Variants in CRYBG3 observed in about 807,000 individuals in gnomAD.
The protein encoded by CRYBG3 is crystallin beta-gamma domain containing 3, also known as very large A-kinase anchor protein.
CRYBG3 carries 127 observed loss-of-function variants against 244.2 expected under a neutral mutation model. The ratio of observed to expected loss-of-function variants is 0.52; its 90% CI spans 0.45 to 0.60. The LOEUF is 0.60. Ranked by LOEUF, CRYBG3 falls within the 20% of genes least tolerant of loss-of-function variation. The probability of loss-of-function intolerance (pLI) is 0.00; values close to 1 mark genes in which losing one functional copy is unlikely to be tolerated. For missense variants in CRYBG3, 3,325 were observed against 3,442.5 expected (o/e 0.97, Z 0.85); for synonymous variants, 1,132 against 1,195.8 (o/e 0.95, Z 1.10).
At chr3:97,860,862 G>A (rs545888537) in intron 2 of CRYBG3, among the ~76,000 whole-genome samples, 11 of 150,876 alleles carry the variant, frequency 7.3e-5, no homozygotes, top group East Asian at 2.0e-4. Flanking sequence ...TTTTTCCTGC[G>A]CACATCGTAT....
At chr3:97,932,856 C>T (rs2040113806) in intron 17 of CRYBG3, among the ~76,000 whole-genome samples, 1 of 152,042 alleles carries the variant, frequency 6.6e-6, no homozygotes. Flanking sequence ...TTTCCAGATC[C>T]ACTGCATCCT....
At chr3:97,825,508 G>T (rs963487078) in intron 1 of CRYBG3, among the ~76,000 whole-genome samples, 1 of 152,188 alleles carries the variant, frequency 6.6e-6, no homozygotes, top group African/African-American at 2.4e-5. Flanking sequence ...CCACTTTTAC[G>T]ATCTGACAAT....
chr3:97,885,753 T>G (rs1173127239), intron 7 of CRYBG3, among the ~76,000 whole-genome samples: 1 of 152,154 alleles, frequency 6.6e-6, no homozygotes, highest in African/African-American at 2.4e-5. Flanking sequence ...TTAGTGTGGA[T>G]CACTAGTTTG....
In CRYBG3 at chr3:97,933,769, G is replaced by A. The variant is rs774611729; in HGVS notation, c.8317G>A (p.Val2773Met). Reference sequence around the variant, plus strand: ...AAGAGAGTTACATCTAGAAGAGGCTGTGAACTCTGTTCTGAACAAGGACCT... The same window carrying A: ...AAGAGAGTTACATCTAGAAGAGGCTATGAACTCTGTTCTGAACAAGGACCT... ...EGRELHLEEA[V>M]NSVLNKDLHF... is the part of the protein sequence containing the mutation. The change falls in exon 18 of 22, where the codon GTG (valine) becomes ATG (methionine). Residue 2773 changes from valine to methionine, a missense_variant. By Grantham distance (21) the Val-to-Met change is conservative. Around this residue, in one of 4 missense-constraint regions of CRYBG3, gnomAD observed 714 missense variants for 803.6 expected, o/e 0.89. Coordinates refer to ENST00000389622, the MANE Select transcript of CRYBG3 (RefSeq NM_153605.4). 2 of 1,612,438 alleles carry A rather than the reference G, an allele frequency of 1.2e-6. No individual in the cohort carries two copies. The highest frequency in any genetic ancestry group is 1.7e-5 in the Admixed American group (1 of 59,892).
Position 97,875,215 on chromosome 3 carries a change from T to A in CRYBG3, c.4021T>A (p.Ser1341Thr). ...TWDSELQANT[S>T]KILNSDSVKP... is the part of the protein sequence containing the mutation. ...GGATTCTGAACTTCAGGCTAATACT[T>A]CAAAAATTCTGAACAGTGATAGTGT... The change falls in exon 4 of 22, where the codon TCA (serine) becomes ACA (threonine). Residue 1341 changes from serine (S) to threonine (T), a missense_variant. Transcript: ENST00000389622. The A allele has an allele frequency of 2.6e-6, 4 of 1,532,302 alleles. No homozygotes were observed. Among genetic ancestry groups the A allele is most frequent in the Non-Finnish European group, 3.5e-6 (4 of 1,145,690 alleles). The allele number at this position is 1,532,302 out of a possible 1,614,324, so 94.9% of individuals were successfully genotyped here.
intron 17 of CRYBG3, among the ~76,000 whole-genome samples, chr3:97,930,109 C>T (rs2040081899): frequency 6.6e-6 from 1 of 152,008 alleles, no homozygotes; most frequent in Admixed American, 6.6e-5. Context: ...TAGATTTTTT[C>T]CCCCTCTGGG....
At chr3:97,912,046 A>G in intron 15 of CRYBG3, 121 bp from the exon 16 acceptor site, 1 of 480,734 alleles carries the variant, frequency 2.1e-6, no homozygotes, top group East Asian at 3.3e-5. Context: ...GATAATAGAT[A>G]AAACATGAGT....
In CRYBG3 at chr3:97,912,270, G is replaced by A. The variant is rs1043631384; in HGVS notation, c.8108G>A (p.Arg2703Gln). Residue 2703 changes from arginine to glutamine, a missense_variant, in exon 16 of 22, where the codon CGA becomes CAA. Around this residue, in one of 4 missense-constraint regions of CRYBG3, gnomAD observed 714 missense variants for 803.6 expected, o/e 0.89. Coordinates refer to ENST00000389622, the MANE Select transcript of CRYBG3 (RefSeq NM_153605.4). ...SLMPCSFKVL[R>Q]GCWLLYYQED... Reference sequence around the variant, plus strand: ...ATGCCATGTTCTTTTAAAGTTCTTCGAGGTTGGTAAGTATGCTTACTTAGT... The same window carrying A: ...ATGCCATGTTCTTTTAAAGTTCTTCAAGGTTGGTAAGTATGCTTACTTAGT... 3 of 1,573,930 alleles carry A rather than the reference G, an allele frequency of 1.9e-6. No individual in the cohort carries two copies. The highest frequency in any genetic ancestry group is 2.6e-6 in the Non-Finnish European group (3 of 1,151,074).
Position 97,873,035 on chromosome 3 carries a change from A to G in CRYBG3, c.1841A>G (p.Glu614Gly). The change falls in exon 4 of 22, where the codon GAA (glutamate) becomes GGA (glycine). Residue 614 changes from glutamate (E) to glycine (G), a missense_variant. Around this residue, in one of 4 missense-constraint regions of CRYBG3, gnomAD observed 1,526 missense variants for 1,443.2 expected, o/e 1.06. Coordinates refer to ENST00000389622, the MANE Select transcript of CRYBG3 (RefSeq NM_153605.4). ...GAAAATGCACCTGAGTTGAAATTTGAACTTAATAGAAGTCACATTTCAGAA... is the reference window on the plus strand; with the variant it reads ...GAAAATGCACCTGAGTTGAAATTTGGACTTAATAGAAGTCACATTTCAGAA... The part of the protein sequence containing the change: ...GNENAPELKF[E>G]LNRSHISETP... 2 of 1,535,498 alleles carry G rather than the reference A, an allele frequency of 1.3e-6. No individual in the cohort carries two copies.
chr3:97,934,849 C>T (rs1305772147), intron 18 of CRYBG3, among the ~76,000 whole-genome samples: 2 of 152,094 alleles, frequency 1.3e-5, no homozygotes, highest in African/African-American at 4.8e-5. Context: ...TCTTTCACAA[C>T]ATTTTAATTC....
At chr3:97,907,290 T>C (rs1048585340) in intron 15 of CRYBG3, among the ~76,000 whole-genome samples, 2 of 152,246 alleles carry the variant, frequency 1.3e-5, no homozygotes, top group East Asian at 1.9e-4. Flanking sequence ...TCCCTCTTTT[T>C]CTATTGATTG....
At position 97,912,187 on chromosome 3, in the gene CRYBG3, A is replaced by T. The variant is rs746240629; in HGVS notation, c.8025A>T (p.Pro2675=). ...TGTAGCTCAAAGCATTCAGCAAACC[A>T]GGGTTCCAAGGTGAATGTATAGATT... ...PPHLLKAFSK[P]GFQGECIDFT... is the part of the protein sequence containing the mutation. The change falls in exon 16 of 22, where the codon CCA becomes CCT. Residue 2675 remains proline, a synonymous_variant. Coordinates refer to ENST00000389622, the MANE Select transcript of CRYBG3 (RefSeq NM_153605.4). 2.4e-5 allele frequency: 39 copies of T among 1,598,600 alleles called. No homozygotes were observed. In the Admixed American group the frequency reaches 6.6e-4, roughly 27 times the overall value.
chr3:97,892,755 T>C (rs1419290565), intron 10 of CRYBG3, 105 bp from the exon 11 acceptor site: 9 of 576,786 alleles, frequency 1.6e-5, no homozygotes, highest in Non-Finnish European at 2.6e-5. Context: ...CTCATATTAA[T>C]TAAAAAAAAA....
chr3:97,828,342 A>G (rs976278810), intron 1 of CRYBG3, among the ~76,000 whole-genome samples: 1 of 152,186 alleles, frequency 6.6e-6, no homozygotes, highest in African/African-American at 2.4e-5. Context: ...AAAGTTGCCT[A>G]TAGAAGTTAG....
rs1010466498 is a variant in CRYBG3 at position 97,876,203 on chromosome 3, T to C, written c.5009T>C (p.Ile1670Thr). Residue 1670 changes from isoleucine (I) to threonine (T), a missense_variant, in exon 4 of 22, where the codon ATT (isoleucine) becomes ACT (threonine). Coordinates refer to ENST00000389622, the MANE Select transcript of CRYBG3 (RefSeq NM_153605.4). ...MTPVTVDMEN[I>T]YQTHAEGDIG... Reference sequence around the variant, plus strand: ...CCTGTTACAGTAGACATGGAAAATATTTACCAAACGCATGCTGAAGGGGAT... The same window carrying C: ...CCTGTTACAGTAGACATGGAAAATACTTACCAAACGCATGCTGAAGGGGAT... 3.3e-5 allele frequency: 41 copies of C among 1,231,420 alleles called. No homozygotes were observed. Among genetic ancestry groups the C allele is most frequent in the Admixed American group, 4.2e-5 (1 of 23,632 alleles). 76.3% of individuals were successfully genotyped at this position (1,231,420 alleles called of 1,614,324 possible).
Position 97,941,252 on chromosome 3 carries a change from T to C in CRYBG3, c.8610T>C (p.Tyr2870=), listed in dbSNP as rs755771412. 35 of 1,611,408 alleles carry C rather than the reference T, an allele frequency of 2.2e-5. No individual in the cohort carries two copies. Among genetic ancestry groups the C allele is most frequent in the Non-Finnish European group, 3.0e-5 (35 of 1,178,084 alleles). ...TRATSVCISP[Y]SGKNTQIWYY... ...CAACATCTGTGTGCATTTCTCCCTA[T>C]AGTGGAAAGAATACTCAGATCTGGT... Residue 2870 remains tyrosine (Y), a synonymous_variant, in exon 20 of 22, where the codon TAT becomes TAC. Coordinates refer to ENST00000389622, the MANE Select transcript of CRYBG3 (RefSeq NM_153605.4).
At chr3:97,888,251 T>C (rs1406607844) in intron 8 of CRYBG3, 90 bp from the exon 9 acceptor site, 3 of 716,582 alleles carry the variant, frequency 4.2e-6, no homozygotes, top group Non-Finnish European at 4.8e-6. Flanking sequence ...ATGGAGGATT[T>C]TGTTTTTTTA....
At chr3:97,828,920 T>A (rs1400945770) in intron 1 of CRYBG3, among the ~76,000 whole-genome samples, 1 of 151,490 alleles carries the variant, frequency 6.6e-6, no homozygotes, top group Non-Finnish European at 1.5e-5. Flanking sequence ...CATTTGTATA[T>A]ACAAAAGAAG....
rs2038514928 is a variant in CRYBG3 at position 97,822,411 on chromosome 3, GC to G, written c.149+57del. ...CCCTGCACATATTCGCGGGATGAAG[GC>G]TCCCGGCCTGACCGCCGGCAGCGGG... On this transcript the variant is annotated intron_variant, in intron 1 of 21. Transcript: ENST00000389622. 3.6e-6 allele frequency: 5 copies of G among 1,383,890 alleles called. No homozygotes were observed. In the South Asian group the frequency reaches 4.6e-5, roughly 13 times the overall value. 85.7% of individuals were successfully genotyped at this position (1,383,890 alleles called of 1,614,324 possible). A position where few individuals can be genotyped will look rare whatever the true frequency, so the allele number is the denominator to read the frequency against.
Sources: gnomAD v4.1 joint callset for allele counts (sites outside exome capture counted in the v4.1 genomes callset) on GRCh38, gnomAD v4.1.1 for gene constraint, gnomAD v4.1.1 regional missense constraint, MANE v1.5 for transcripts, NCBI Gene and HGNC (gene_info 2026-07-23, HGNC 2026-07-21) for gene names.